TACC2: variants seen among roughly 807,000 people sequenced by gnomAD.
TACC2 encodes transforming acidic coiled-coil containing protein 2.
In TACC2, 137 loss-of-function variants were observed where a neutral mutation model predicts 227.3. The observed-to-expected ratio is 0.60, with a 90% CI of 0.52 to 0.69. TACC2 has a LOEUF of 0.69. Among genes scored for constraint, TACC2 ranks in the 30% least tolerant of loss-of-function variants. The pLI, the probability that TACC2 is intolerant of heterozygous loss-of-function variation, is 0.00. For missense variants in TACC2, 3,470 were observed against 3,694.4 expected, an observed-to-expected ratio of 0.94 and a Z score of 1.57; for synonymous variants, 1,523 against 1,487.5, an observed-to-expected ratio of 1.02 and a Z score of -0.55.
At chr10:122,065,093 A>T (rs563668140) in intron 3 of TACC2, among the ~76,000 whole-genome samples, 13 of 152,262 alleles carry the variant, frequency 8.5e-5, no homozygotes, top group East Asian at 5.8e-4. Flanking sequence ...ATTTAAAAAA[A>T]TTTTTTTATT....
Position 122,226,382 on chromosome 10 carries a change from C to G in TACC2, c.7625C>G (p.Pro2542Arg), listed in dbSNP as rs369295547. ...TCCCTGCAGCAGGACGACGATGCCC[C>G]GAAGAAGCAGGCCTTGTACCTTATG... ...GSSLPQDDDA[P>R]KKQALYLMFD... Residue 2542 changes from proline to arginine, a missense_variant, in exon 13 of 23, where the codon CCG becomes CGG. Physicochemically the swap from Pro to Arg is moderately radical, Grantham distance 103 (BLOSUM62 -2). Coordinates refer to ENST00000369005, the MANE Select transcript of TACC2 (RefSeq NM_206862.4). The G allele has an allele frequency of 6.2e-7, 1 of 1,613,864 alleles. No individual in the cohort carries two copies. The highest frequency in any genetic ancestry group is 8.5e-7 in the Non-Finnish European group (1 of 1,179,862).
chr10:122,001,488 G>A (rs1954332413), intron 1 of TACC2, among the ~76,000 whole-genome samples: 1 of 152,138 alleles, frequency 6.6e-6, no homozygotes, highest in African/African-American at 2.4e-5. Flanking sequence ...CATGACACAT[G>A]AGAATTATGG....
At chr10:122,184,291 CT>C (rs2094098765) in intron 7 of TACC2, among the ~76,000 whole-genome samples, 1 of 152,124 alleles carries the variant, frequency 6.6e-6, no homozygotes, top group African/African-American at 2.4e-5. Flanking sequence ...CGAGGCACCC[CT>C]GATAATACAG....
intron 1 of TACC2, among the ~76,000 whole-genome samples, chr10:122,007,924 A>G (rs1955386486): frequency 1.3e-5 from 2 of 152,120 alleles, no homozygotes; most frequent in Admixed American, 6.6e-5. Flanking sequence ...CTGTTATGAA[A>G]GCCAATTTGG....
chr10:122,155,271 G>T (rs576564444), intron 7 of TACC2, among the ~76,000 whole-genome samples: 1 of 152,220 alleles, frequency 6.6e-6, no homozygotes, highest in Non-Finnish European at 1.5e-5. Flanking sequence ...GTTGATTTTG[G>T]CAGCTGGGAG....
At chr10:122,077,777 G>T (rs2078981889) in intron 3 of TACC2, among the ~76,000 whole-genome samples, 1 of 152,222 alleles carries the variant, frequency 6.6e-6, no homozygotes. Flanking sequence ...GCTCAATCTT[G>T]CTTTGCGTTA....
intron 5 of TACC2, among the ~76,000 whole-genome samples, chr10:122,117,242 T>C (rs2084870700): frequency 6.7e-6 from 1 of 148,960 alleles, no homozygotes; most frequent in Non-Finnish European, 1.5e-5. Context: ...GTCACCAGGC[T>C]GGAGTGCAGT....
At chr10:122,068,510 G>C (rs1210469658) in intron 3 of TACC2, among the ~76,000 whole-genome samples, 1 of 152,156 alleles carries the variant, frequency 6.6e-6, no homozygotes. Context: ...GATGGAACGA[G>C]AGCAGTGTTT....
At position 122,083,262 on chromosome 10, in the gene TACC2, T is replaced by C. The variant is rs1167097911; in HGVS notation, c.762T>C (p.Ala254=). 4 of 1,613,730 alleles carry C rather than the reference T, an allele frequency of 2.5e-6. No individual in the cohort carries two copies. Among genetic ancestry groups the C allele is most frequent in the Non-Finnish European group, 3.4e-6 (4 of 1,179,988 alleles). Reference sequence around the variant, plus strand: ...TGCAAGTGACCCCTGAGGCCCCTGCTGCAGCCCAGCAGGGCACAGAAAGCT... The same window carrying C: ...TGCAAGTGACCCCTGAGGCCCCTGCCGCAGCCCAGCAGGGCACAGAAAGCT... ...ASVQVTPEAP[A]AAQQGTESSA... is the part of the protein sequence containing the mutation. The change falls in exon 4 of 23, where the codon GCT becomes GCC. Residue 254 remains alanine (A), a synonymous_variant. Coordinates refer to ENST00000369005, the MANE Select transcript of TACC2 (RefSeq NM_206862.4).
chr10:122,232,064 G>T (rs2095762783), intron 16 of TACC2, among the ~76,000 whole-genome samples: 2 of 152,230 alleles, frequency 1.3e-5, no homozygotes, highest in South Asian at 2.1e-4. Flanking sequence ...TGTGCAGGCT[G>T]GGAACAGCGA....
Position 122,086,447 on chromosome 10 carries a change from C to T in TACC2, c.3947C>T (p.Ala1316Val), listed in dbSNP as rs763198415. The T allele has an allele frequency of 6.2e-7, 1 of 1,613,868 alleles. No homozygotes were observed. The highest frequency in any genetic ancestry group is 1.1e-5 in the South Asian group (1 of 91,072). ...CAAGCCAGCAGTGGTAGTCCCAAAG[C>T]CAGAACCACTGAGGGACCAGTGGAC... is the stretch of plus-strand genomic sequence containing the variant. ...AVQASSGSPKARTTEGPVDSM... is the reference protein window; with the variant it reads ...AVQASSGSPKVRTTEGPVDSM... The change falls in exon 4 of 23, where the codon GCC (alanine) becomes GTC (valine). Residue 1316 changes from alanine (A) to valine (V), a missense_variant. Ala to Val is a moderately conservative substitution (Grantham distance 64). Coordinates refer to ENST00000369005, the MANE Select transcript of TACC2 (RefSeq NM_206862.4).
At chr10:122,008,672 A>G (rs1343119625) in intron 1 of TACC2, among the ~76,000 whole-genome samples, 1 of 152,096 alleles carries the variant, frequency 6.6e-6, no homozygotes, top group Non-Finnish European at 1.5e-5. Flanking sequence ...TCCCGGGTTC[A>G]TGCGATTCTC....
chr10:122,092,643 G>A (rs1038050797), intron 5 of TACC2, among the ~76,000 whole-genome samples: 1 of 152,142 alleles, frequency 6.6e-6, no homozygotes, highest in African/African-American at 2.4e-5. Flanking sequence ...AGTCAAATTG[G>A]CATTGCTAAT....
At chr10:122,067,507 G>T (rs1210922777) in intron 3 of TACC2, among the ~76,000 whole-genome samples, 20 of 129,634 alleles carry the variant, frequency 1.5e-4, no homozygotes, top group South Asian at 2.5e-4. Context: ...ACTGTTTCTG[G>T]TTTTTTTTTT....
At chr10:122,178,622 G>A (rs866737100) in intron 7 of TACC2, among the ~76,000 whole-genome samples, 41 of 152,022 alleles carry the variant, frequency 2.7e-4, no homozygotes, top group Non-Finnish European at 4.3e-4. Context: ...AGTGGCTCAC[G>A]CCTGTAATCC....
intron 1 of TACC2, chr10:121,994,690 T>C (rs898602883): frequency 6.5e-6 from 1 of 152,840 alleles, no homozygotes; most frequent in Admixed American, 6.5e-5. Context: ...CCTCCTCCTC[T>C]CCACGCTGGG....
At position 122,211,318 on chromosome 10, in the gene TACC2, C is replaced by A. The variant is rs766573375; in HGVS notation, c.6893C>A (p.Pro2298His). Residue 2298 changes from proline (P) to histidine (H), a missense_variant, in exon 9 of 23, where the codon CCC becomes CAC. This residue lies in a region of TACC2 where 593 missense variants were observed against 636.6 expected (regional missense o/e 0.93). Transcript: ENST00000369005. ...GGCAAAAAGCCAGTTGCCAAAATGC[C>A]CCTGAGGAGGCCAAAGATGAAAAAG... ...KIGKKPVAKMPLRRPKMKKTP... is the reference protein window; with the variant it reads ...KIGKKPVAKMHLRRPKMKKTP... 1.9e-6 allele frequency: 3 copies of A among 1,613,910 alleles called. No homozygotes were observed. The highest frequency in any genetic ancestry group is 2.7e-5 in the African/African-American group (2 of 74,854).
In TACC2 at chr10:122,224,774, G is replaced by T. The variant is rs1302564812; in HGVS notation, c.7595G>T (p.Gly2532Val). The T allele has an allele frequency of 1.9e-6, 3 of 1,613,940 alleles. No homozygotes were observed. Among genetic ancestry groups the T allele is most frequent in the Admixed American group, 1.7e-5 (1 of 59,998 alleles). Reference protein sequence around the residue: ...SYEIEYMEKIGSSLPQDDDAP... With the variant: ...SYEIEYMEKIVSSLPQDDDAP... The stretch of plus-strand genomic sequence containing the variant: ...GAAATTGAATATATGGAGAAAATTG[G>T]CTCCTCCTTACCTGTAAGTTCGTCT... The change falls in exon 12 of 23, where the codon GGC becomes GTC. Residue 2532 changes from glycine (G) to valine (V), a missense_variant. Physicochemically the swap from Gly to Val is moderately radical, Grantham distance 109. Around this residue, in one of 10 missense-constraint regions of TACC2, gnomAD observed 345 missense variants for 354.4 expected, o/e 0.97. Transcript: ENST00000369005.
chr10:122,210,422 C>T lies in TACC2; in HGVS notation c.5997C>T (p.Val1999=). The change falls in exon 9 of 23, where the codon GTC becomes GTT. Residue 1999 remains valine (V), a synonymous_variant. Transcript: ENST00000369005. The surrounding 1 kb of genome is among the most constrained non-coding windows in gnomAD (Gnocchi z 4.6). The part of the protein sequence containing the change: ...EPGCGSETVP[V]PDGPRSDSVE... ...GATGTGGTTCTGAGACAGTCCCTGT[C>T]CCTGATGGCCCACGGAGCGACTCGG... The T allele has an allele frequency of 1.2e-6, 2 of 1,614,028 alleles. No individual in the cohort carries two copies. Among genetic ancestry groups the T allele is most frequent in the Non-Finnish European group, 1.7e-6 (2 of 1,179,966 alleles).
Sources: allele counts gnomAD v4.1 joint callset (sites outside exome capture counted in the v4.1 genomes callset), GRCh38; gene constraint gnomAD v4.1.1; regional missense constraint gnomAD v4.1.1; non-coding constraint Gnocchi (gnomAD v3.1); transcripts MANE v1.5; gene names NCBI Gene and HGNC (gene_info 2026-07-23, HGNC 2026-07-21).